Variants in FCSK observed in about 807,000 individuals in gnomAD.
The protein encoded by FCSK is L-fucose kinase.
Under a neutral mutation model 122.5 loss-of-function variants are expected in FCSK, and 123 were observed. The ratio of observed to expected loss-of-function variants is 1.00; its 90% CI spans 0.87 to 1.17. The LOEUF (loss-of-function observed/expected upper bound fraction) is 1.17, where lower values mean the gene tolerates loss of function less well. Among genes scored for constraint, FCSK ranks in the 50% most tolerant of loss-of-function variants. The pLI is 0.00. For missense variants in FCSK, 1,366 were observed against 1,450.4 expected, an observed-to-expected ratio of 0.94 and a Z score of 0.95; for synonymous variants, 620 against 625.5, an observed-to-expected ratio of 0.99 and a Z score of 0.13.
In FCSK at chr16:70,479,676, C is replaced by T. The variant is rs753730529; in HGVS notation, c.3251C>T (p.Pro1084Leu). The T allele has an allele frequency of 4.1e-5, 66 of 1,613,314 alleles. No individual in the cohort carries two copies. The highest frequency in any genetic ancestry group is 1.8e-5 in the Non-Finnish European group (21 of 1,179,556). The part of the protein sequence containing the change: ...GTEASTCCPF[P>L] ...GAGGCCTCAACCTGTTGCCCTTTCC[C>T]ATGAAGCTGGCTTCTCTCTGCAACA... The change falls in exon 24 of 24, where the codon CCA becomes CTA. Residue 1084 changes from proline (P) to leucine (L), a missense_variant. Coordinates refer to ENST00000288078, the MANE Select transcript of FCSK (RefSeq NM_145059.3).
chr16:70,478,558 T>C lies in FCSK; in HGVS notation c.2837T>C (p.Leu946Pro), dbSNP rs2048888855. 6.2e-7 allele frequency: 1 copy of C among 1,613,668 alleles called. No homozygotes were observed. The highest frequency in any genetic ancestry group is 1.1e-5 in the South Asian group (1 of 91,082). ...RLARNLLQDVLRSWYARLPAV... is the reference protein window; with the variant it reads ...RLARNLLQDVPRSWYARLPAV... ...CTCCTGCCCCGTCCGCAGGATGTGC[T>C]GAGGAGCTGGTATGCCCGACTTCCT... Residue 946 changes from leucine to proline, a missense_variant, in exon 22 of 24, where the codon CTG becomes CCG. By Grantham distance (98) the Leu-to-Pro change is moderately conservative. Transcript: ENST00000288078.
chr16:70,475,919 T>C (rs1280409427), intron 20 of FCSK, 152 bp downstream of exon 20: 4 of 802,840 alleles, frequency 5.0e-6, no homozygotes, highest in Admixed American at 3.6e-5. Context: ...CACTTTGACC[T>C]TCTCTGGTCG....
chr16:70,474,791 G>T lies in FCSK; in HGVS notation c.2157G>T (p.Gly719=). 1 of 1,570,542 alleles carries T rather than the reference G, an allele frequency of 6.4e-7. No individual in the cohort carries two copies. The highest frequency in any genetic ancestry group is 2.3e-5 in the East Asian group (1 of 42,636). ...AECPARVDFS[G]GWSDTPPLAY... is the part of the protein sequence containing the mutation. ...TTGAGTCTTGCCACACTGCCATAGG[G>T]GGCTGGAGTGACACGCCACCCCTTG... Residue 719 remains glycine, a splice_region_variant and synonymous_variant, in exon 18 of 24, where the codon GGG becomes GGT. Transcript: ENST00000288078.
chr16:70,461,322 G>A (rs2048256887), intron 1 of FCSK, among the ~76,000 whole-genome samples: 1 of 152,106 alleles, frequency 6.6e-6, no homozygotes, highest in African/African-American at 2.4e-5. Context: ...GGAAATGGGG[G>A]TGCTGCTTTG....
In FCSK at chr16:70,470,994, G is replaced by T; in HGVS notation, c.1092G>T (p.Gly364=). The T allele has an allele frequency of 6.3e-7, 1 of 1,597,104 alleles. No individual in the cohort carries two copies. Residue 364 remains glycine, a synonymous_variant, in exon 12 of 24, where the codon GGG becomes GGT. Transcript: ENST00000288078. ...AGGAGCAGCAGCTTCTGGCGGCCGG[G>T]AGCTCTGTGGTCAGCTGCCTGCTGG... is the stretch of plus-strand genomic sequence containing the variant. The part of the protein sequence containing the change: ...QVEEQQLLAA[G]SSVVSCLLEG...
At chr16:70,479,550 G>T in intron 23 of FCSK, 29 bp from the exon 24 acceptor site, 1 of 1,599,902 alleles carries the variant, frequency 6.3e-7, no homozygotes, top group Non-Finnish European at 8.6e-7. Flanking sequence ...TTTGTCCAGA[G>T]CCTTCTAAAT....
chr16:70,479,161 C>G lies in FCSK; in HGVS notation c.2930-19C>G. The G allele has an allele frequency of 5.0e-6, 8 of 1,596,062 alleles. No individual in the cohort carries two copies. The highest frequency in any genetic ancestry group is 6.9e-6 in the Non-Finnish European group (8 of 1,166,530). The stretch of plus-strand genomic sequence containing the variant: ...AGTATCTTGGCCCAGGCACGTCACT[C>G]CCCTCTGCCCCACCTCAGGAAGCCT... On this transcript the variant is annotated intron_variant, in intron 22 of 23. Transcript: ENST00000288078.
chr16:70,479,291 C>T lies in FCSK; in HGVS notation c.3041C>T (p.Pro1014Leu), dbSNP rs756466817. 2.5e-6 allele frequency: 4 copies of T among 1,613,926 alleles called. No homozygotes were observed. The South Asian group carries it at 3.3e-5, about 13-fold the overall frequency. ...TVRRMMDVLA[P>L]HVHGQSLAGA... Reference sequence around the variant, plus strand: ...CGGCGTATGATGGATGTCCTGGCCCCCCACGTGCATGGCCAGAGCCTGGCT... The same window carrying T: ...CGGCGTATGATGGATGTCCTGGCCCTCCACGTGCATGGCCAGAGCCTGGCT... Residue 1014 changes from proline (P) to leucine (L), a missense_variant, in exon 23 of 24, where the codon CCC becomes CTC. Transcript: ENST00000288078.
At chr16:70,463,878 C>A in intron 3 of FCSK, 104 bp downstream of exon 3, 1 of 1,250,240 alleles carries the variant, frequency 8.0e-7, no homozygotes, top group Non-Finnish European at 1.1e-6. Context: ...GCCAACTCAG[C>A]ATTGGTCTCA....
At chr16:70,463,803 G>A in intron 3 of FCSK, 29 bp downstream of exon 3, 1 of 1,583,154 alleles carries the variant, frequency 6.3e-7, no homozygotes, top group East Asian at 2.3e-5. Flanking sequence ...CACCTCCCTG[G>A]TCTGTGTCCC....
At chr16:70,470,289 G>A (rs1343772870) in intron 10 of FCSK, 25 bp from the exon 11 acceptor site, 3 of 1,534,666 alleles carry the variant, frequency 2.0e-6, no homozygotes, top group Non-Finnish European at 2.7e-6. Context: ...GCATGGGGTT[G>A]GGTTCAGTAC....
chr16:70,478,675 C>CT, intron 22 of FCSK, 25 bp downstream of exon 22: 1 of 1,592,524 alleles, frequency 6.3e-7, no homozygotes, highest in East Asian at 2.2e-5. Flanking sequence ...CTGGGGGGGT[C>CT]AGGGCACTGG....
intron 13 of FCSK, 125 bp from the exon 14 acceptor site, chr16:70,472,416 G>C: frequency 2.8e-6 from 2 of 706,176 alleles, no homozygotes; most frequent in Non-Finnish European, 4.7e-6. Flanking sequence ...GGTGGGTCAA[G>C]TATGTTCTTT....
chr16:70,479,361 A>T lies in FCSK; in HGVS notation c.3111A>T (p.Pro1037=). 6.2e-7 allele frequency: 1 copy of T among 1,614,006 alleles called. No individual in the cohort carries two copies. Among genetic ancestry groups the T allele is most frequent in the Non-Finnish European group, 8.5e-7 (1 of 1,180,024 alleles). ...TTCTCTATCTGTTGACCAAGGAGCC[A>T]CAGCAAAAGGAGGCCTTGGAGGCGG... ...GGFLYLLTKE[P]QQKEALEAVL... The change falls in exon 23 of 24, where the codon CCA becomes CCT. Residue 1037 remains proline, a synonymous_variant. Transcript: ENST00000288078.
chr16:70,474,181 G>A lies in FCSK; in HGVS notation c.1830G>A (p.Val610=). 2 of 1,563,876 alleles carry A rather than the reference G, an allele frequency of 1.3e-6. No individual in the cohort carries two copies. Among genetic ancestry groups the A allele is most frequent in the Non-Finnish European group, 1.7e-6 (2 of 1,154,898 alleles). Residue 610 remains valine (V), a synonymous_variant, in exon 16 of 24, where the codon GTG becomes GTA. Transcript: ENST00000288078. ...PGVAARALAC[V]ADVLGCMAEG... Reference sequence around the variant, plus strand: ...TGGCGGCACGGGCACTGGCCTGTGTGGCGGACGTCCTGGGCTGCATGGCAG... The same window carrying A: ...TGGCGGCACGGGCACTGGCCTGTGTAGCGGACGTCCTGGGCTGCATGGCAG...
intron 8 of FCSK, 73 bp downstream of exon 8, chr16:70,468,039 C>G (rs1393358828): frequency 3.5e-6 from 4 of 1,137,774 alleles, no homozygotes; most frequent in South Asian, 1.2e-5. Context: ...TGACTTCCTT[C>G]GATTCCTTCT....
At chr16:70,478,092 G>T in intron 20 of FCSK, 180 bp from the exon 21 acceptor site, 1 of 619,432 alleles carries the variant, frequency 1.6e-6, no homozygotes, top group South Asian at 2.0e-5. Flanking sequence ...CTAGAGTGAA[G>T]CCCATTCCCT....
rs1045656743 is a variant in FCSK at position 70,473,226 on chromosome 16, C to G, written c.1650C>G (p.Phe550Leu). The G allele has an allele frequency of 6.5e-7, 1 of 1,535,700 alleles. No individual in the cohort carries two copies. Among genetic ancestry groups the G allele is most frequent in the Admixed American group, 2.0e-5 (1 of 50,954 alleles). Reference protein sequence around the residue: ...AATLASRRDLFFRQALHKARH... With the variant: ...AATLASRRDLLFRQALHKARH... ...CGCTGGCCTCTCGCCGGGACCTGTT[C>G]TTCCGCCAGGCCCTGCATAAGGCGC... Residue 550 changes from phenylalanine (F) to leucine (L), a missense_variant, in exon 15 of 24, where the codon TTC becomes TTG. By Grantham distance (22) the Phe-to-Leu change is conservative (BLOSUM62 0). Coordinates refer to ENST00000288078, the MANE Select transcript of FCSK (RefSeq NM_145059.3). The surrounding 1 kb of genome is among the most constrained non-coding windows in gnomAD (Gnocchi z 4.9).
chr16:70,471,312 G>T lies in FCSK; in HGVS notation c.1301G>T (p.Gly434Val). The change falls in exon 13 of 24, where the codon GGC becomes GTC. Residue 434 changes from glycine to valine, a missense_variant. By Grantham distance (109) the Gly-to-Val change is moderately radical. Coordinates refer to ENST00000288078, the MANE Select transcript of FCSK (RefSeq NM_145059.3). ...CACACGCGGCTACACGGCTCCCCGG[G>T]CCACGCCTTCACCCTCGTTGGCCGT... The part of the protein sequence containing the change: ...GHHTRLHGSP[G>V]HAFTLVGRLD... 6.2e-7 allele frequency: 1 copy of T among 1,600,838 alleles called. No homozygotes were observed. The highest frequency in any genetic ancestry group is 8.5e-7 in the Non-Finnish European group (1 of 1,174,136).
Sources: allele counts gnomAD v4.1 joint callset (sites outside exome capture counted in the v4.1 genomes callset), GRCh38; gene constraint gnomAD v4.1.1; non-coding constraint Gnocchi (gnomAD v3.1); transcripts MANE v1.5; gene names NCBI Gene and HGNC (gene_info 2026-07-23, HGNC 2026-07-21).